Variants in TMEM131 observed in about 807,000 individuals in gnomAD.
The protein encoded by TMEM131 is 2610524E03Rik.
A neutral mutation model predicts 211.6 loss-of-function variants in TMEM131; 66 were observed. The ratio of observed to expected loss-of-function variants is 0.31; its 90% confidence interval spans 0.26 to 0.38. TMEM131 has a LOEUF of 0.38. Ranked by LOEUF, TMEM131 falls within the 10% of genes least tolerant of loss-of-function variation. The pLI is 1.00. For synonymous variants in TMEM131, 844 were observed against 841.3 expected, an observed-to-expected ratio of 1.00 and a Z score of -0.06; for missense variants, 2,036 against 2,299.3, an observed-to-expected ratio of 0.89 and a Z score of 2.34.
Position 97,813,456 on chromosome 2 carries a change from T to G in TMEM131, c.1617+515A>C, listed in dbSNP as rs77477964. ...TCAAGATAGCTTTGTTTGGAATTTT[T>G]CCCCCTGCTTATTTTCTGTACCAGG... On this transcript the variant is annotated intron_variant, in intron 15 of 40. Transcript: ENST00000186436. 7.1e-3 allele frequency among the ~76,000 whole-genome samples: 1,080 copies of G among 152,326 alleles called. 15 individuals carry two copies. The highest frequency in any genetic ancestry group is 0.024 in the African/African-American group (1,011 of 41,568).
At chr2:97,767,592 C>T (rs1679233443) in intron 33 of TMEM131, among the ~76,000 whole-genome samples, 1 of 152,202 alleles carries the variant, frequency 6.6e-6, no homozygotes, top group African/African-American at 2.4e-5. Flanking sequence ...AGAAATCTTC[C>T]AAGAATCCTC....
intron 25 of TMEM131, among the ~76,000 whole-genome samples, chr2:97,797,948 C>T (rs779442365): frequency 1.3e-5 from 2 of 152,226 alleles, no homozygotes; most frequent in Non-Finnish European, 2.9e-5. Flanking sequence ...GCCACTGCTC[C>T]CCTCTGAAGG....
At chr2:97,908,730 C>T (rs1410582936) in intron 2 of TMEM131, 32 bp from the exon 3 acceptor site, 1 of 1,573,966 alleles carries the variant, frequency 6.4e-7, no homozygotes, top group Non-Finnish European at 8.7e-7. Flanking sequence ...GATTAAAAAA[C>T]TGAAGCCAAA....
chr2:97,861,476 G>A (rs1406541042), intron 4 of TMEM131, among the ~76,000 whole-genome samples: 1 of 151,744 alleles, frequency 6.6e-6, no homozygotes, highest in Non-Finnish European at 1.5e-5. Context: ...GTGGATTGGG[G>A]AGGGAGCCCA....
intron 17 of TMEM131, among the ~76,000 whole-genome samples, chr2:97,811,500 T>G (rs1049545829): frequency 2.6e-5 from 4 of 152,110 alleles, no homozygotes; most frequent in Admixed American, 2.6e-4. Flanking sequence ...AGCTCCTCAC[T>G]CTTTACCCAT....
intron 1 of TMEM131, 115 bp downstream of exon 1, chr2:97,995,361 G>A (rs948636234): frequency 1.8e-6 from 2 of 1,095,094 alleles, no homozygotes; most frequent in African/African-American, 1.6e-5. Context: ...GTACCCGACC[G>A]CCCAACTTTG....
intron 11 of TMEM131, among the ~76,000 whole-genome samples, chr2:97,832,559 G>A (rs546200354): frequency 6.6e-6 from 1 of 152,266 alleles, no homozygotes; most frequent in South Asian, 2.1e-4. Context: ...GATAAAATCT[G>A]GGTATGGCCA....
At chr2:97,956,598 T>C (rs1317941101) in intron 1 of TMEM131, among the ~76,000 whole-genome samples, 1 of 152,118 alleles carries the variant, frequency 6.6e-6, no homozygotes, top group East Asian at 1.9e-4. Context: ...TAGTAGTAAC[T>C]GGGGTAAAAA....
intron 26 of TMEM131, 149 bp downstream of exon 26, chr2:97,797,216 A>G: frequency 1.2e-6 from 1 of 861,756 alleles, no homozygotes; most frequent in East Asian, 2.5e-5. Flanking sequence ...TAACAAAGGT[A>G]TGTTTCATCA....
rs368572087 is a variant in TMEM131 at position 97,779,355 on chromosome 2, C to T, written c.4145-3337G>A. On this transcript the variant is annotated intron_variant, in intron 31 of 40. Coordinates refer to ENST00000186436, the MANE Select transcript of TMEM131 (RefSeq NM_015348.2). Reference sequence around the variant, plus strand: ...CTGACTGATAAGACTGGATGGCCGACGTCTAGCTGCAGGCAGTCTCTGTCC... The same window carrying T: ...CTGACTGATAAGACTGGATGGCCGATGTCTAGCTGCAGGCAGTCTCTGTCC... Among the ~76,000 whole-genome samples, 125 of 152,362 alleles carry T rather than the reference C, an allele frequency of 8.2e-4. 1 individual carries two copies. Among genetic ancestry groups the T allele is most frequent in the South Asian group, 4.4e-3 (21 of 4,822 alleles).
rs188566341 is a variant in TMEM131, at chr2:97,967,050, G to A, written c.187+28426C>T. Among the ~76,000 whole-genome samples the A allele has an allele frequency of 2.1e-4, 31 of 145,616 alleles. No individual in the cohort carries two copies. In the East Asian group the frequency reaches 4.8e-3, roughly 23 times the overall value. On this transcript the variant is annotated intron_variant, in intron 1 of 40. Coordinates refer to ENST00000186436, the MANE Select transcript of TMEM131 (RefSeq NM_015348.2). ...CAAACAAACAAACAAACAAACAAACGGCACACTTCTTAGATGGGGGCGGTG... is the reference window on the plus strand; with the variant it reads ...CAAACAAACAAACAAACAAACAAACAGCACACTTCTTAGATGGGGGCGGTG...
In TMEM131 at chr2:97,794,941, T is replaced by C; in HGVS notation, c.3375A>G (p.Ser1125=). The change falls in exon 29 of 41, where the codon TCA becomes TCG. Residue 1125 remains serine, a synonymous_variant. Transcript: ENST00000186436. ...ACAAGACACAATACCTCATTATTCC[T>C]GAGATGATGATATACAGAGCCAGTT... is the stretch of plus-strand genomic sequence containing the variant. ...NWELALYIII[S]GIMSALFLLV... is the part of the protein sequence containing the mutation. 2 of 1,584,612 alleles carry C rather than the reference T, an allele frequency of 1.3e-6. No individual in the cohort carries two copies. Among genetic ancestry groups the C allele is most frequent in the Non-Finnish European group, 1.7e-6 (2 of 1,164,972 alleles).
intron 1 of TMEM131, among the ~76,000 whole-genome samples, chr2:97,930,065 G>C (rs1255683527): frequency 6.6e-6 from 1 of 151,718 alleles, no homozygotes; most frequent in Non-Finnish European, 1.5e-5. Flanking sequence ...AAATTTCACA[G>C]GATCCAGAGA....
At chr2:97,940,561 C>T (rs994344510) in intron 1 of TMEM131, among the ~76,000 whole-genome samples, 5 of 152,186 alleles carry the variant, frequency 3.3e-5, no homozygotes, top group African/African-American at 1.2e-4. Flanking sequence ...GTAATCCCAG[C>T]ACTTTGGGAG....
intron 32 of TMEM131, among the ~76,000 whole-genome samples, chr2:97,774,688 G>A (rs1264474280): frequency 6.6e-6 from 1 of 152,210 alleles, no homozygotes; most frequent in Non-Finnish European, 1.5e-5. Context: ...TGAGCAGGAA[G>A]AGGCTGGCAG....
chr2:97,945,656 G>A (rs1353591673), intron 1 of TMEM131, among the ~76,000 whole-genome samples: 1 of 152,078 alleles, frequency 6.6e-6, no homozygotes, highest in African/African-American at 2.4e-5. Flanking sequence ...TGTGCACGGG[G>A]AGGAGAAAAC....
At chr2:97,802,574 C>A (rs779475880) in intron 23 of TMEM131, 37 bp from the exon 24 acceptor site, 4 of 1,600,080 alleles carry the variant, frequency 2.5e-6, no homozygotes, top group Non-Finnish European at 3.4e-6. Context: ...TGAAAGATTT[C>A]TATAGTTAAA....
intron 1 of TMEM131, among the ~76,000 whole-genome samples, chr2:97,972,967 A>G (rs1328220111): frequency 6.6e-6 from 1 of 152,222 alleles, no homozygotes; most frequent in Non-Finnish European, 1.5e-5. Flanking sequence ...ATCTTTTTTA[A>G]TTTTGTGGGT....
chr2:97,756,893 G>A lies in TMEM131; in HGVS notation c.*206C>T, dbSNP rs1678512499. ...GCTGAGTCCAGACTTTTCTCTAAAA[G>A]CACAACAGCAAATCTCATGTTATCA... On this transcript the variant is annotated 3_prime_UTR_variant, in exon 41 of 41. Coordinates refer to ENST00000186436, the MANE Select transcript of TMEM131 (RefSeq NM_015348.2). 16 of 553,692 alleles carry A rather than the reference G, an allele frequency of 2.9e-5. No homozygotes were observed. In the South Asian group the frequency reaches 5.5e-4, roughly 19 times the overall value. 34.3% of individuals were successfully genotyped at this position (553,692 alleles called of 1,614,324 possible).
Sources: gnomAD v4.1 joint callset for allele counts (sites outside exome capture counted in the v4.1 genomes callset) on GRCh38, gnomAD v4.1.1 for gene constraint, MANE v1.5 for transcripts, NCBI Gene and HGNC (gene_info 2026-07-23, HGNC 2026-07-21) for gene names.